Variants in ATP8B1 observed in about 807,000 individuals in gnomAD.
ATP8B1 encodes the protein ATPase phospholipid transporting 8B1, also known as phospholipid-transporting ATPase IC.
In ATP8B1, 80 loss-of-function variants were observed where a neutral mutation model predicts 149.9. The ratio of observed to expected loss-of-function variants is 0.53; its 90% CI spans 0.45 to 0.64. The LOEUF (loss-of-function observed/expected upper bound fraction) is 0.64. Among genes scored for constraint, ATP8B1 ranks in the 30% least tolerant of loss-of-function variants. The pLI, the probability that ATP8B1 is intolerant of heterozygous loss-of-function variation, is 0.00. For synonymous variants in ATP8B1, 536 were observed against 562.8 expected (o/e 0.95, Z 0.67); for missense variants, 1,247 against 1,552.6 (o/e 0.80, Z 3.31).
intron 6 of ATP8B1, among the ~76,000 whole-genome samples, chr18:57,699,715 C>T (rs568733285): frequency 5.1e-4 from 65 of 128,582 alleles, no homozygotes; most frequent in Non-Finnish European, 7.7e-4. Context: ...AGCGAGACTC[C>T]GTCTCAAAAA....
At chr18:57,672,911 T>C (rs1568189236) in intron 16 of ATP8B1, among the ~76,000 whole-genome samples, 6 of 72,322 alleles carry the variant, frequency 8.3e-5, no homozygotes, top group South Asian at 5.0e-4. Flanking sequence ...TATATATATA[T>C]ATATATATAT....
intron 15 of ATP8B1, among the ~76,000 whole-genome samples, chr18:57,676,822 A>G (rs1280602225): frequency 1.3e-5 from 2 of 152,110 alleles, no homozygotes; most frequent in African/African-American, 4.8e-5. Context: ...TAAATAATGG[A>G]AAATTGTCTT....
At position 57,650,640 on chromosome 18, in the gene ATP8B1, C is replaced by T. The variant is rs1180562291; in HGVS notation, c.3401-143G>A. 1.5e-5 allele frequency: 14 copies of T among 949,112 alleles called. No individual in the cohort carries two copies. The East Asian group carries it at 3.1e-4, about 21-fold the overall frequency. 58.8% of individuals were successfully genotyped at this position (949,112 alleles called of 1,614,324 possible). A position where few individuals can be genotyped will look rare whatever the true frequency, so the allele number is the denominator to read the frequency against. On this transcript the variant is annotated intron_variant, in intron 26 of 27. Transcript: ENST00000648908. ...GGTGGATTGCCAGAGCTCAGGAGTT[C>T]GAGACCAGCCTGGGCAACATGGTGA...
intron 15 of ATP8B1, 85 bp from the exon 16 acceptor site, chr18:57,675,107 G>T: frequency 1.4e-6 from 2 of 1,442,144 alleles, no homozygotes; most frequent in Non-Finnish European, 9.6e-7. Flanking sequence ...AGGCTCCTGT[G>T]GGGGTCAGAT....
intron 1 of ATP8B1, among the ~76,000 whole-genome samples, chr18:57,742,743 G>A (rs1046045246): frequency 5.3e-5 from 8 of 151,782 alleles, no homozygotes; most frequent in African/African-American, 2.4e-5. Flanking sequence ...AGGATCGCTT[G>A]AGCCCAGGAG....
chr18:57,729,567 T>G (rs1329734515), intron 2 of ATP8B1, among the ~76,000 whole-genome samples: 2 of 138,942 alleles, frequency 1.4e-5, no homozygotes, highest in Non-Finnish European at 3.1e-5. Flanking sequence ...TTTTTTTTTT[T>G]GAGTTGGAGT....
chr18:57,745,738 C>A (rs773077709), intron 1 of ATP8B1, among the ~76,000 whole-genome samples: 1 of 151,732 alleles, frequency 6.6e-6, no homozygotes, highest in Non-Finnish European at 1.5e-5. Flanking sequence ...CTCACTGCAG[C>A]CTCAACCTCC....
At chr18:57,797,202 T>C (rs1376553257) in intron 1 of ATP8B1, among the ~76,000 whole-genome samples, 1 of 152,170 alleles carries the variant, frequency 6.6e-6, no homozygotes, top group Non-Finnish European at 1.5e-5. Context: ...TGCAACTCAA[T>C]TTCAATAAAG....
At chr18:57,685,172 C>G in intron 13 of ATP8B1, 57 bp from the exon 14 acceptor site, 1 of 1,582,894 alleles carries the variant, frequency 6.3e-7, no homozygotes, top group African/African-American at 1.3e-5. Context: ...AGAGGCCCCT[C>G]CTTACCTGGC....
chr18:57,706,729 C>A, intron 2 of ATP8B1, 142 bp from the exon 3 acceptor site: 1 of 706,056 alleles, frequency 1.4e-6, no homozygotes, highest in Non-Finnish European at 2.5e-6. Flanking sequence ...CTGCTCATTG[C>A]AGATGTAATC....
In ATP8B1 at chr18:57,655,790, C is replaced by A. The variant is rs78570125; in HGVS notation, c.2708-373G>T. 4.3e-3 allele frequency among the ~76,000 whole-genome samples: 652 copies of A among 152,324 alleles called. 2 individuals carry two copies. The highest frequency in any genetic ancestry group is 5.4e-3 in the Admixed American group (83 of 15,300). On this transcript the variant is annotated intron_variant, in intron 22 of 27. Transcript: ENST00000648908. The stretch of plus-strand genomic sequence containing the variant: ...TGGCAACAGCTGTGTCAGTCATGGG[C>A]AGATATGTAATTTGTGGTAGATACT...
intron 1 of ATP8B1, chr18:57,755,439 G>A (rs901795824): frequency 2.0e-5 from 3 of 152,084 alleles, no homozygotes; most frequent in Admixed American, 2.0e-4. Flanking sequence ...ATGATATAGA[G>A]AAGATTAGCA....
At chr18:57,715,814 C>T (rs573401681) in intron 2 of ATP8B1, among the ~76,000 whole-genome samples, 1 of 152,256 alleles carries the variant, frequency 6.6e-6, no homozygotes, top group East Asian at 1.9e-4. Flanking sequence ...CAACACTAGA[C>T]CTGTCCTACA....
At chr18:57,685,500 A>G (rs984033657) in intron 13 of ATP8B1, among the ~76,000 whole-genome samples, 10 of 152,110 alleles carry the variant, frequency 6.6e-5, no homozygotes, top group Admixed American at 2.0e-4. Flanking sequence ...ATGTCCCTAT[A>G]TCATTTTAAA....
chr18:57,694,689 A>G lies in ATP8B1; in HGVS notation c.941-19T>C, dbSNP rs941728041. On this transcript the variant is annotated intron_variant, in intron 10 of 27. Transcript: ENST00000648908. Reference sequence around the variant, plus strand: ...TCAGCACCTGAAAATGGAAAATTCAATGTAGTCATCAGTTGGGAAAAATCA... The same window carrying G: ...TCAGCACCTGAAAATGGAAAATTCAGTGTAGTCATCAGTTGGGAAAAATCA... 8.1e-6 allele frequency: 12 copies of G among 1,487,670 alleles called. No homozygotes were observed. In the African/African-American group the frequency reaches 1.5e-4, roughly 19 times the overall value. 92.2% of individuals were successfully genotyped at this position (1,487,670 alleles called of 1,614,324 possible). A position where few individuals can be genotyped will look rare whatever the true frequency, so the allele number is the denominator to read the frequency against.
intron 1 of ATP8B1, among the ~76,000 whole-genome samples, chr18:57,785,481 TTTGTTG>T (rs1205202164): frequency 1.3e-5 from 2 of 152,188 alleles, no homozygotes; most frequent in Admixed American, 1.3e-4. Flanking sequence ...AATATCTATT[TTTGTTG>T]TTGTTGTTGT....
chr18:57,709,441 AC>A (rs1258203723), intron 2 of ATP8B1, among the ~76,000 whole-genome samples: 1 of 152,228 alleles, frequency 6.6e-6, no homozygotes, highest in Non-Finnish European at 1.5e-5. Flanking sequence ...AATCATAGGC[AC>A]TTTTTAAAAA....
chr18:57,678,048 A>C (rs1170911512), intron 15 of ATP8B1, among the ~76,000 whole-genome samples: 1 of 152,218 alleles, frequency 6.6e-6, no homozygotes, highest in Non-Finnish European at 1.5e-5. Context: ...TCCAAATTCC[A>C]ACCTTATGAC....
chr18:57,709,750 G>C (rs185630587), intron 2 of ATP8B1, among the ~76,000 whole-genome samples: 1 of 151,560 alleles, frequency 6.6e-6, no homozygotes, highest in Non-Finnish European at 1.5e-5. Flanking sequence ...TGCGATCTCA[G>C]CTCACTGCAG....
Sources: gnomAD v4.1 joint callset for allele counts (sites outside exome capture counted in the v4.1 genomes callset) on GRCh38, gnomAD v4.1.1 for gene constraint, MANE v1.5 for transcripts, NCBI Gene and HGNC (gene_info 2026-07-23, HGNC 2026-07-21) for gene names.